Variants in MPP4 observed in about 807,000 individuals in gnomAD.
The protein encoded by MPP4 is MAGUK p55 scaffold protein 4, also known as MAGUK p55 subfamily member 4.
MPP4 carries 91 observed loss-of-function variants against 98.3 expected under a neutral mutation model. That is an observed-to-expected ratio of 0.93 (90% CI 0.78 to 1.10). The LOEUF (loss-of-function observed/expected upper bound fraction) is 1.10. Among genes scored for constraint, MPP4 ranks in the 50% least tolerant of loss-of-function variants. The probability of loss-of-function intolerance (pLI) is 0.00; values close to 1 mark genes in which losing one functional copy is unlikely to be tolerated. For missense variants in MPP4, 744 were observed against 792.9 expected (o/e 0.94, Z 0.74); for synonymous variants, 261 against 271.8 (o/e 0.96, Z 0.39).
At chr2:201,654,118 G>A (rs1020030563) in intron 18 of MPP4, among the ~76,000 whole-genome samples, 9 of 151,978 alleles carry the variant, frequency 5.9e-5, no homozygotes, top group Non-Finnish European at 1.2e-4. Flanking sequence ...TGGGATTACA[G>A]GCATGCAGCA....
intron 13 of MPP4, chr2:201,666,059 C>T (rs918060583): frequency 7.0e-6 from 2 of 284,882 alleles, no homozygotes; most frequent in Non-Finnish European, 1.3e-5. Flanking sequence ...GTTCTACCAT[C>T]GGATATGCTG....
At chr2:201,684,998 G>A in intron 7 of MPP4, 66 bp downstream of exon 7, 97 of 1,083,292 alleles carry the variant, frequency 9.0e-5, no homozygotes, top group South Asian at 4.4e-4. Context: ...TCTCTAGAAA[G>A]AAGCCTAAAC....
rs143786942 is a variant in MPP4, at chr2:201,687,568, A to C, written c.280-197T>G. Among the ~76,000 whole-genome samples, 1,456 of 152,348 alleles carry C rather than the reference A, an allele frequency of 9.6e-3. 14 individuals are homozygous for C. The highest frequency in any genetic ancestry group is 0.017 in the Middle Eastern group (5 of 294). ...TTTATTCATTAAAATTGCTACTTTA[A>C]TATAGCAAATAGAATTCAAGAGTTG... On this transcript the variant is annotated intron_variant, in intron 4 of 21. Coordinates refer to ENST00000409474, the MANE Select transcript of MPP4 (RefSeq NM_033066.3).
At chr2:201,674,776 T>C (rs1024532432) in intron 11 of MPP4, among the ~76,000 whole-genome samples, 6 of 152,148 alleles carry the variant, frequency 3.9e-5, no homozygotes, top group Non-Finnish European at 8.8e-5. Flanking sequence ...TCATAAGATA[T>C]GCAATTTCCC....
intron 1 of MPP4, among the ~76,000 whole-genome samples, chr2:201,697,410 A>G (rs945238437): frequency 6.6e-6 from 1 of 152,136 alleles, no homozygotes; most frequent in Non-Finnish European, 1.5e-5. Flanking sequence ...TCTTGTATCC[A>G]CTGGCTTGCT....
At chr2:201,658,568 A>G in intron 15 of MPP4, 50 bp from the exon 16 acceptor site, 1 of 1,529,068 alleles carries the variant, frequency 6.5e-7, no homozygotes, top group Non-Finnish European at 8.9e-7. Context: ...CGAGAAGTTT[A>G]TTCAGAATAA....
chr2:201,654,421 G>T (rs1202377173), intron 18 of MPP4, among the ~76,000 whole-genome samples: 1 of 152,148 alleles, frequency 6.6e-6, no homozygotes, highest in East Asian at 1.9e-4. Context: ...TGCCTGAAAG[G>T]CCATCCCTAT....
At position 201,661,627 on chromosome 2, in the gene MPP4, C is replaced by T. The variant is rs549032219; in HGVS notation, c.1073-1281G>A. 403 of 455,230 alleles carry T rather than the reference C, an allele frequency of 8.9e-4. 1 individual carries two copies. Among genetic ancestry groups the T allele is most frequent in the Non-Finnish European group, 1.6e-3 (360 of 226,788 alleles). 28.2% of individuals were successfully genotyped at this position (455,230 alleles called of 1,614,324 possible). On this transcript the variant is annotated intron_variant, in intron 14 of 21. Coordinates refer to ENST00000409474, the MANE Select transcript of MPP4 (RefSeq NM_033066.3). The stretch of plus-strand genomic sequence containing the variant: ...AACAAGATTTCACAATAATAATGCC[C>T]GCTAACACTTGTGTAGCACTTCCTG...
At chr2:201,665,920 A>G (rs1559008759) in intron 13 of MPP4, 2 of 153,272 alleles carry the variant, frequency 1.3e-5, no homozygotes, top group African/African-American at 4.8e-5. Context: ...GGAACCTACT[A>G]CTATTTATCT....
chr2:201,654,265 C>T lies in MPP4; in HGVS notation c.1381+572G>A, dbSNP rs148008280. 9.9e-5 allele frequency among the ~76,000 whole-genome samples: 15 copies of T among 152,162 alleles called. No individual in the cohort carries two copies. The East Asian group carries it at 2.3e-3, about 24-fold the overall frequency. On this transcript the variant is annotated intron_variant, in intron 18 of 21. Transcript: ENST00000409474. ...TGCTGGGATTACAGGAGTGAGCCAC[C>T]GTGCCCAGCCAGAAAACACCATTTT...
At chr2:201,687,220 A>G (rs965765951) in intron 5 of MPP4, 71 bp downstream of exon 5, 4 of 1,243,020 alleles carry the variant, frequency 3.2e-6, no homozygotes, top group Non-Finnish European at 4.6e-6. Context: ...TTTCCATCAC[A>G]TATATTTCTC....
intron 10 of MPP4, 121 bp downstream of exon 10, chr2:201,680,717 T>C: frequency 1.2e-6 from 1 of 806,530 alleles, no homozygotes; most frequent in South Asian, 1.9e-5. Context: ...TAAACCAGTG[T>C]GTGTGTGTTC....
chr2:201,654,782 A>G, intron 18 of MPP4, 55 bp downstream of exon 18: 1 of 1,290,212 alleles, frequency 7.8e-7, no homozygotes, highest in South Asian at 1.3e-5. Context: ...AAATGAGATC[A>G]GCAAAGAAAG....
chr2:201,661,663 A>G (rs114631163), intron 14 of MPP4: 143 of 454,302 alleles, frequency 3.1e-4, no homozygotes, highest in African/African-American at 2.7e-3. Context: ...TGTACCAGGC[A>G]CTGTTCTAAG....
At position 201,649,666 on chromosome 2, in the gene MPP4, C is replaced by G; in HGVS notation, c.1494G>C (p.Glu498Asp). 1 of 1,609,900 alleles carries G rather than the reference C, an allele frequency of 6.2e-7. No homozygotes were observed. Among genetic ancestry groups the G allele is most frequent in the Non-Finnish European group, 8.5e-7 (1 of 1,178,020 alleles). The stretch of plus-strand genomic sequence containing the variant: ...TAGTGCCATACAGGTGGCCTTTGTA[C>G]TCACCATACTCCAGCATCCTGCAAG... ...IYSHRMLEYG[E>D]YKGHLYGTSV... Residue 498 changes from glutamate to aspartate, a missense_variant, in exon 20 of 22, where the codon GAG becomes GAC. Physicochemically the swap from Glu to Asp is conservative, Grantham distance 45. Transcript: ENST00000409474.
chr2:201,680,521 A>G (rs1264107612), intron 10 of MPP4: 1 of 231,590 alleles, frequency 4.3e-6, no homozygotes, highest in East Asian at 9.0e-5. Context: ...TCTTAATACT[A>G]TTGCATTGGG....
intron 14 of MPP4, among the ~76,000 whole-genome samples, chr2:201,661,754 G>A (rs373771760): frequency 2.0e-5 from 3 of 152,256 alleles, no homozygotes; most frequent in South Asian, 2.1e-4. Context: ...CAGAGAACCC[G>A]CAGTTAGTGA....
At chr2:201,698,043 A>G (rs1456165558) in intron 1 of MPP4, 2 of 985,518 alleles carry the variant, frequency 2.0e-6, no homozygotes, top group Non-Finnish European at 2.4e-6. Flanking sequence ...CACCCACCAC[A>G]TGCAATTCCG....
chr2:201,662,882 CA>C (rs1688066456), intron 14 of MPP4, among the ~76,000 whole-genome samples: 1 of 152,110 alleles, frequency 6.6e-6, no homozygotes, highest in South Asian at 2.1e-4. Flanking sequence ...CATGCCCCAG[CA>C]GGTTTGCAGT....
Sources: allele counts gnomAD v4.1 joint callset (sites outside exome capture counted in the v4.1 genomes callset), GRCh38; gene constraint gnomAD v4.1.1; transcripts MANE v1.5; gene names NCBI Gene and HGNC (gene_info 2026-07-23, HGNC 2026-07-21).